MIP: variants seen among roughly 807,000 people sequenced by gnomAD.
MIP encodes lens fiber major intrinsic protein.
In MIP, 14 loss-of-function variants were observed where a neutral mutation model predicts 21.8. The ratio of observed to expected loss-of-function variants is 0.64; its 90% CI spans 0.42 to 1.00. The LOEUF is 1.00. Among genes scored for constraint, MIP ranks in the 50% least tolerant of loss-of-function variants. The probability of loss-of-function intolerance (pLI) is 0.00; values close to 1 mark genes in which losing one functional copy is unlikely to be tolerated. For missense variants in MIP, 260 were observed against 333.5 expected (o/e 0.78, Z 1.72); for synonymous variants, 133 against 141.4 (o/e 0.94, Z 0.42).
chr12:56,454,831 C>T (rs942175409), upstream of MIP, among the ~76,000 whole-genome samples: 1 of 152,018 alleles, frequency 6.6e-6, no homozygotes, highest in African/African-American at 2.4e-5. Flanking sequence ...GGAGATGAGC[C>T]GAGAGAGCCA....
chr12:56,451,261 CT>C lies in MIP; in HGVS notation c.*18del. On this transcript the variant is annotated 3_prime_UTR_variant, in exon 4 of 4. Coordinates refer to ENST00000652304, the MANE Select transcript of MIP (RefSeq NM_012064.4). ...CGTAAACTCAGAAGCTTTCTACTCC[CT>C]CTATTCAGCTGGAGCTTCTACAGGG... 1 of 1,612,236 alleles carries C rather than the reference CT, an allele frequency of 6.2e-7. No homozygotes were observed. Among genetic ancestry groups the C allele is most frequent in the Non-Finnish European group, 8.5e-7 (1 of 1,179,388 alleles).
At position 56,453,602 on chromosome 12, in the gene MIP, G is replaced by A; in HGVS notation, c.514C>T (p.His172Tyr). The A allele has an allele frequency of 6.2e-7, 1 of 1,614,262 alleles. No individual in the cohort carries two copies. The highest frequency in any genetic ancestry group is 1.1e-5 in the South Asian group (1 of 91,090). ...LAVGFSLALG[H>Y]LFGMYYTGAG... ...TCCTTCCTGCTTACCCCAAAGAGGT[G>A]CCCCAGGGCAAGGGAGAAGCCAACG... The change falls in exon 2 of 4, where the codon CAC (histidine) becomes TAC (tyrosine). Residue 172 changes from histidine (H) to tyrosine (Y), a missense_variant. His to Tyr is a moderately conservative substitution (Grantham distance 83). Transcript: ENST00000652304.
upstream of MIP, among the ~76,000 whole-genome samples, chr12:56,455,217 C>T (rs1223069977): frequency 6.6e-6 from 1 of 152,088 alleles, no homozygotes; most frequent in Admixed American, 6.5e-5. Context: ...GACCCTGCAG[C>T]TCTGGGACAA....
chr12:56,453,590 C>G lies in MIP; in HGVS notation c.525+1G>C. On this transcript the variant is annotated splice_donor_variant, in intron 2 of 3. Coordinates refer to ENST00000652304, the MANE Select transcript of MIP (RefSeq NM_012064.4). LOFTEE classifies it high-confidence loss of function. ...GAGAAGTTGCTCTCCTTCCTGCTTACCCCAAAGAGGTGCCCCAGGGCAAGG... is the reference window on the plus strand; with the variant it reads ...GAGAAGTTGCTCTCCTTCCTGCTTAGCCCAAAGAGGTGCCCCAGGGCAAGG... 1 of 1,614,250 alleles carries G rather than the reference C, an allele frequency of 6.2e-7. No homozygotes were observed. Among genetic ancestry groups the G allele is most frequent in the East Asian group, 2.2e-5 (1 of 44,884 alleles).
chr12:56,451,212 C>T lies in MIP; in HGVS notation c.*68G>A, dbSNP rs1868599512. 1 of 1,401,450 alleles carries T rather than the reference C, an allele frequency of 7.1e-7. No individual in the cohort carries two copies. The highest frequency in any genetic ancestry group is 1.2e-5 in the South Asian group (1 of 86,092). 86.8% of individuals were successfully genotyped at this position (1,401,450 alleles called of 1,614,324 possible). ...CCCTCCCCACAGTCTCTTTCTTCAT[C>T]TAGGGGCTGGCTAAACCCCTCCACG... On this transcript the variant is annotated 3_prime_UTR_variant, in exon 4 of 4. Transcript: ENST00000652304.
chr12:56,456,458 G>A (rs539469828), upstream of MIP, among the ~76,000 whole-genome samples: 19 of 152,156 alleles, frequency 1.2e-4, no homozygotes, highest in Middle Eastern at 6.8e-3. Flanking sequence ...CCAACATAAT[G>A]AAACCCCGTC....
chr12:56,452,724 G>T, intron 3 of MIP: 1 of 359,464 alleles, frequency 2.8e-6, no homozygotes, highest in Non-Finnish European at 5.3e-6. Context: ...AACTGGAATG[G>T]GGCTGAGGCC....
Position 56,450,873 on chromosome 12 carries a change from T to C in MIP, c.*407A>G, listed in dbSNP as rs72478920. The C allele has an allele frequency of 4.3e-3, 794 of 186,800 alleles. 6 individuals are homozygous for C. Among genetic ancestry groups the C allele is most frequent in the African/African-American group, 0.017 (736 of 42,070 alleles). The allele number at this position is 186,800 out of a possible 1,614,324, so 11.6% of individuals were successfully genotyped here. On this transcript the variant is annotated 3_prime_UTR_variant, in exon 4 of 4. Transcript: ENST00000652304. ...CCCTCAGAAATCAAGAGCCACACAC[T>C]TGACTGGCAGCAGGGTAAAGGCCAG... is the stretch of plus-strand genomic sequence containing the variant.
intron 1 of MIP, 57 bp from the exon 2 acceptor site, chr12:56,453,812 C>G: frequency 6.4e-7 from 1 of 1,553,498 alleles, no homozygotes; most frequent in South Asian, 1.2e-5. Context: ...GTGTTACCTC[C>G]TCAAGACTTC....
intron 1 of MIP, 72 bp downstream of exon 1, chr12:56,454,182 C>T (rs1173994025): frequency 2.8e-5 from 45 of 1,603,854 alleles, no homozygotes; most frequent in South Asian, 8.9e-5. Context: ...GATTCACCTG[C>T]ACCAGTCAGG....
At position 56,454,428 on chromosome 12, in the gene MIP, G is replaced by A. The variant is rs776583049; in HGVS notation, c.186C>T (p.Ile62=). Reference sequence around the variant, plus strand: ...CTGCAGGATTGACGTGGGCTCCACTGATGTGGCCCACAGACTGCACCAGTG... The same window carrying A: ...CTGCAGGATTGACGTGGGCTCCACTAATGTGGCCCACAGACTGCACCAGTG... ...LATLVQSVGH[I]SGAHVNPAVT... Residue 62 remains isoleucine (I), a synonymous_variant, in exon 1 of 4, where the codon ATC becomes ATT. Coordinates refer to ENST00000652304, the MANE Select transcript of MIP (RefSeq NM_012064.4). The A allele has an allele frequency of 6.2e-7, 1 of 1,614,184 alleles. No homozygotes were observed. Among genetic ancestry groups the A allele is most frequent in the Non-Finnish European group, 8.5e-7 (1 of 1,180,002 alleles).
In MIP at chr12:56,452,027, G is replaced by A. The variant is rs192386946; in HGVS notation, c.607-562C>T. 4.0e-3 allele frequency among the ~76,000 whole-genome samples: 607 copies of A among 152,278 alleles called. 4 individuals carry two copies. The highest frequency in any genetic ancestry group is 0.014 in the African/African-American group (569 of 41,552). On this transcript the variant is annotated intron_variant, in intron 3 of 3. Coordinates refer to ENST00000652304, the MANE Select transcript of MIP (RefSeq NM_012064.4). ...ATCAAGCTCCACTGCACTCCAGCCT[G>A]GGTGACAGAGGGAGACTCCATCTCA...
At chr12:56,451,501 A>G (rs1415160970) in intron 3 of MIP, 36 bp from the exon 4 acceptor site, 2 of 1,597,396 alleles carry the variant, frequency 1.3e-6, no homozygotes, top group African/African-American at 2.7e-5. Flanking sequence ...AGGCTTGGGG[A>G]GGGGACAGAG....
chr12:56,451,572 T>G, intron 3 of MIP, 107 bp from the exon 4 acceptor site: 1 of 897,092 alleles, frequency 1.1e-6, no homozygotes, highest in Middle Eastern at 3.3e-4. Context: ...ACACTTGATA[T>G]CTACAATAAA....
chr12:56,453,103 G>A lies in MIP; in HGVS notation c.575C>T (p.Ala192Val), dbSNP rs1371630020. ...GMNPARSFAP[A>V]ILTGNFTNHW... Reference sequence around the variant, plus strand: ...GTTAGTGAAGTTCCCAGTGAGAATGGCAGGAGCAAAGGAGCGGGCAGGATT... The same window carrying A: ...GTTAGTGAAGTTCCCAGTGAGAATGACAGGAGCAAAGGAGCGGGCAGGATT... The change falls in exon 3 of 4, where the codon GCC (alanine) becomes GTC (valine). Residue 192 changes from alanine to valine, a missense_variant. Transcript: ENST00000652304. 6.2e-7 allele frequency: 1 copy of A among 1,613,562 alleles called. No homozygotes were observed. Among genetic ancestry groups the A allele is most frequent in the South Asian group, 1.1e-5 (1 of 91,064 alleles).
Position 56,449,596 on chromosome 12 carries a change from G to A in MIP, c.*1684C>T, listed in dbSNP as rs1868515579. 6.6e-6 allele frequency: 1 copy of A among 152,238 alleles called. No homozygotes were observed. The highest frequency in any genetic ancestry group is 1.5e-5 in the Non-Finnish European group (1 of 68,034). The allele number at this position is 152,238 out of a possible 1,614,324, so 9.4% of individuals were successfully genotyped here. A position where few individuals can be genotyped will look rare whatever the true frequency, so the allele number is the denominator to read the frequency against. On this transcript the variant is annotated 3_prime_UTR_variant, in exon 4 of 4. Coordinates refer to ENST00000652304, the MANE Select transcript of MIP (RefSeq NM_012064.4). ...ATAGTAGAATCAAAGTCCGATTAGAGGTGAATTTACAAACATTCTTCCCCT... is the reference window on the plus strand; with the variant it reads ...ATAGTAGAATCAAAGTCCGATTAGAAGTGAATTTACAAACATTCTTCCCCT...
chr12:56,454,565 A>T lies in MIP; in HGVS notation c.49T>A (p.Phe17Ile), dbSNP rs752998566. ...ASFWRAIFAEFFATLFYVFFG... is the reference protein window; with the variant it reads ...ASFWRAIFAEIFATLFYVFFG... The stretch of plus-strand genomic sequence containing the variant: ...AAGACATAGAAGAGGGTGGCAAAGA[A>T]CTCAGCGAATATGGCCCTCCAAAAG... Residue 17 changes from phenylalanine (F) to isoleucine (I), a missense_variant, in exon 1 of 4, where the codon TTC becomes ATC. Physicochemically the swap from Phe to Ile is conservative, Grantham distance 21. Coordinates refer to ENST00000652304, the MANE Select transcript of MIP (RefSeq NM_012064.4). 1 of 1,613,972 alleles carries T rather than the reference A, an allele frequency of 6.2e-7. No homozygotes were observed. The highest frequency in any genetic ancestry group is 1.3e-5 in the African/African-American group (1 of 74,920).
At chr12:56,452,057 A>AT (rs1868637536) in intron 3 of MIP, among the ~76,000 whole-genome samples, 1 of 152,166 alleles carries the variant, frequency 6.6e-6, no homozygotes, top group South Asian at 2.1e-4. Context: ...ATCTCAAAAA[A>AT]ATATATATAT....
chr12:56,454,183 A>G lies in MIP; in HGVS notation c.360+71T>C, dbSNP rs576585258. 17 of 1,603,204 alleles carry G rather than the reference A, an allele frequency of 1.1e-5. No homozygotes were observed. The South Asian group carries it at 1.6e-4, about 15-fold the overall frequency. ...ACCCCAGGGGAGCTGATTCACCTGC[A>G]CCAGTCAGGGAGTCAGGGCAATAGA... On this transcript the variant is annotated intron_variant, in intron 1 of 3. Coordinates refer to ENST00000652304, the MANE Select transcript of MIP (RefSeq NM_012064.4).
Sources: allele counts gnomAD v4.1 joint callset (sites outside exome capture counted in the v4.1 genomes callset), GRCh38; gene constraint gnomAD v4.1.1; transcripts MANE v1.5; gene names NCBI Gene and HGNC (gene_info 2026-07-23, HGNC 2026-07-21).